The following TECR variants were observed in gnomAD, a reference collection of about 807,000 sequenced individuals.
TECR encodes trans-2,3-enoyl-CoA reductase.
In TECR, 19 loss-of-function variants were observed where a neutral mutation model predicts 50.6. The ratio of observed to expected loss-of-function variants is 0.38; its 90% CI spans 0.26 to 0.55. The LOEUF (loss-of-function observed/expected upper bound fraction) is 0.55, where lower values mean the gene tolerates loss of function less well. Among genes scored for constraint, TECR ranks in the 20% least tolerant of loss-of-function variants. The probability of loss-of-function intolerance (pLI) is 0.79; values close to 1 mark genes in which losing one functional copy is unlikely to be tolerated. For missense variants in TECR, 313 were observed against 408.3 expected (o/e 0.77, Z 2.01); for synonymous variants, 168 against 163.5 (o/e 1.03, Z -0.21).
upstream of TECR, chr19:14,529,413 C>T: frequency 3.4e-6 from 2 of 595,208 alleles, no homozygotes. Context: ...TCTTTAGCCC[C>T]TCCTACAGGC....
intron 1 of TECR, among the ~76,000 whole-genome samples, chr19:14,561,426 C>T (rs758623983): frequency 1.3e-5 from 2 of 152,158 alleles, no homozygotes; most frequent in African/African-American, 2.4e-5. Context: ...CGGGGGCTGC[C>T]TCCCTCCAGC....
intron 1 of TECR, among the ~76,000 whole-genome samples, chr19:14,553,475 C>T (rs1363234203): frequency 1.3e-5 from 2 of 152,096 alleles, no homozygotes; most frequent in African/African-American, 2.4e-5. Context: ...CCCCGGGTGC[C>T]ACTGAGAAAC....
chr19:14,549,879 G>A (rs997739185), intron 1 of TECR, among the ~76,000 whole-genome samples: 52 of 151,768 alleles, frequency 3.4e-4, no homozygotes, highest in African/African-American at 1.2e-3. Flanking sequence ...GCATGCGGAG[G>A]TTGCAGTGAG....
At position 14,564,062 on chromosome 19, in the gene TECR, A is replaced by G. The variant is rs373053044; in HGVS notation, c.348A>G (p.Lys116=). 3.7e-6 allele frequency: 6 copies of G among 1,613,640 alleles called. No homozygotes were observed. Among genetic ancestry groups the G allele is most frequent in the Non-Finnish European group, 4.2e-6 (5 of 1,179,936 alleles). ...GAGTGCCCTTCATCTATGGCCACAA[A>G]TATGACTTTACGTCCAGTCGGCATA... The part of the protein sequence containing the change: ...YFRVPFIYGH[K]YDFTSSRHTV... The change falls in exon 6 of 13, where the codon AAA becomes AAG. Residue 116 remains lysine, a synonymous_variant. Transcript: ENST00000215567.
intron 1 of TECR, among the ~76,000 whole-genome samples, chr19:14,543,756 T>C (rs978426858): frequency 5.7e-5 from 8 of 140,002 alleles, no homozygotes; most frequent in African/African-American, 2.2e-4. Flanking sequence ...ATTTTTAAAT[T>C]GAGACAGAGT....
At chr19:14,551,682 A>G (rs975547247) in intron 1 of TECR, among the ~76,000 whole-genome samples, 8 of 151,598 alleles carry the variant, frequency 5.3e-5, no homozygotes, top group Non-Finnish European at 1.2e-4. Context: ...TTGCTGATAG[A>G]CCTTTTGCTC....
intron 1 of TECR, chr19:14,532,000 C>A (rs2072685564): frequency 7.2e-6 from 1 of 139,048 alleles, no homozygotes; most frequent in African/African-American, 2.8e-5. Context: ...AACAGAGACC[C>A]TGTTTGAAGA....
chr19:14,546,391 A>G (rs2146590460), intron 1 of TECR, among the ~76,000 whole-genome samples: 1 of 152,240 alleles, frequency 6.6e-6, no homozygotes, highest in South Asian at 2.1e-4. Context: ...GTTCAAGACC[A>G]GCCTGGTCAA....
intron 1 of TECR, among the ~76,000 whole-genome samples, chr19:14,553,062 G>A (rs2073592140): frequency 6.6e-6 from 1 of 152,160 alleles, no homozygotes; most frequent in African/African-American, 2.4e-5. Context: ...CTGAGACCCA[G>A]GTTCTCCAAC....
chr19:14,542,146 G>A (rs903506399), intron 1 of TECR, among the ~76,000 whole-genome samples: 3 of 151,844 alleles, frequency 2.0e-5, no homozygotes, highest in Non-Finnish European at 4.4e-5. Flanking sequence ...ATTGTTTTTA[G>A]TAGAGATGGG....
chr19:14,565,604 G>A lies in TECR; in HGVS notation c.754-14G>A, dbSNP rs781572705. On this transcript the variant is annotated splice_polypyrimidine_tract_variant and intron_variant, in intron 11 of 12. Coordinates refer to ENST00000215567, the MANE Select transcript of TECR (RefSeq NM_138501.6). ...GCGAGGCTGCCCACGCTCACTCTCC[G>A]CCCCTGCCCACAGGTGGGGTCCTGG... 1.9e-6 allele frequency: 3 copies of A among 1,608,898 alleles called. No individual in the cohort carries two copies. Among genetic ancestry groups the A allele is most frequent in the East Asian group, 4.5e-5 (2 of 44,754 alleles).
chr19:14,564,452 T>G (rs1416428387), intron 7 of TECR, among the ~76,000 whole-genome samples, 165 bp downstream of exon 7: 2 of 42,264 alleles, frequency 4.7e-5, no homozygotes, highest in South Asian at 8.7e-4. Context: ...TCGCAGAGCC[T>G]CTAGACCCCG....
intron 1 of TECR, 130 bp from the exon 2 acceptor site, chr19:14,562,395 C>T (rs2073930191): frequency 3.2e-6 from 3 of 931,322 alleles, no homozygotes; most frequent in African/African-American, 3.2e-5. Flanking sequence ...TGGCAGGCGG[C>T]ATGGACTTGA....
At chr19:14,528,501 G>A (rs935045864), upstream of TECR, among the ~76,000 whole-genome samples, 1 of 151,836 alleles carries the variant, frequency 6.6e-6, no homozygotes, top group African/African-American at 2.4e-5. Flanking sequence ...GCCTCCCAAG[G>A]TGCTAGGATT....
intron 1 of TECR, among the ~76,000 whole-genome samples, chr19:14,548,611 A>G (rs2073382528): frequency 6.6e-6 from 1 of 151,842 alleles, no homozygotes; most frequent in Admixed American, 6.6e-5. Flanking sequence ...GGAGTTTTGC[A>G]CTGTCGCCCA....
chr19:14,546,140 A>G (rs914074497), intron 1 of TECR, among the ~76,000 whole-genome samples: 4 of 152,116 alleles, frequency 2.6e-5, no homozygotes, highest in Non-Finnish European at 5.9e-5. Context: ...GTGGTCACAA[A>G]TCTGCTTTCA....
chr19:14,529,890 A>G, intron 1 of TECR, 179 bp downstream of exon 1: 1 of 854,410 alleles, frequency 1.2e-6, no homozygotes, highest in Non-Finnish European at 1.9e-6. Context: ...GCATGTGCGC[A>G]GGAAGTATTT....
intron 11 of TECR, 71 bp from the exon 12 acceptor site, chr19:14,565,547 G>A: frequency 6.4e-7 from 1 of 1,563,506 alleles, no homozygotes; most frequent in Non-Finnish European, 8.6e-7. Flanking sequence ...GGAGGTGGCT[G>A]GCTGAGTCCA....
In TECR at chr19:14,529,642, G is replaced by A; in HGVS notation, c.-55G>A. On this transcript the variant is annotated 5_prime_UTR_variant, in exon 1 of 13. Transcript: ENST00000215567. ...GAGCGCTGTAGGGAGCCTGTGCTGT[G>A]CCGCGCAGTTAGGCAGCAGCAGCCG... The A allele has an allele frequency of 1.2e-6, 2 of 1,613,316 alleles. No homozygotes were observed. The highest frequency in any genetic ancestry group is 8.5e-7 in the Non-Finnish European group (1 of 1,179,548).
Sources: gnomAD v4.1 joint callset for allele counts (sites outside exome capture counted in the v4.1 genomes callset) on GRCh38, gnomAD v4.1.1 for gene constraint, MANE v1.5 for transcripts, NCBI Gene and HGNC (gene_info 2026-07-23, HGNC 2026-07-21) for gene names.